The following GPC6 variants were observed in gnomAD, a reference collection of about 807,000 sequenced individuals.
GPC6 encodes the protein glypican-6.
A neutral mutation model predicts 55.2 loss-of-function variants in GPC6; 14 were observed. That is an observed-to-expected ratio of 0.25 (90% CI 0.17 to 0.40). The LOEUF (loss-of-function observed/expected upper bound fraction) is 0.40, where lower values mean the gene tolerates loss of function less well. Ranked by LOEUF, GPC6 falls within the 10% of genes least tolerant of loss-of-function variation. The pLI, the probability that GPC6 is intolerant of heterozygous loss-of-function variation, is 1.00. For missense variants in GPC6, 641 were observed against 708.5 expected (o/e 0.90, Z 1.08); for synonymous variants, 278 against 259.6 (o/e 1.07, Z -0.68).
At chr13:94,274,028 G>A (rs1445535737) in intron 4 of GPC6, among the ~76,000 whole-genome samples, 2 of 152,188 alleles carry the variant, frequency 1.3e-5, no homozygotes, top group Non-Finnish European at 2.9e-5. Flanking sequence ...CCTGGCTTAT[G>A]ATGTAACTAA....
chr13:94,266,758 T>C (rs1414852799), intron 4 of GPC6, among the ~76,000 whole-genome samples: 1 of 152,234 alleles, frequency 6.6e-6, no homozygotes, highest in Non-Finnish European at 1.5e-5. Flanking sequence ...TCCTGAAGTC[T>C]GGTATCAAGT....
intron 3 of GPC6, among the ~76,000 whole-genome samples, chr13:94,009,288 T>C (rs1882146061): frequency 6.6e-6 from 1 of 152,214 alleles, no homozygotes; most frequent in Admixed American, 6.5e-5. Flanking sequence ...AATGTTGTTA[T>C]AGGAAAGTCA....
chr13:94,186,578 C>G (rs1171786752), intron 4 of GPC6, among the ~76,000 whole-genome samples: 1 of 152,116 alleles, frequency 6.6e-6, no homozygotes, highest in Non-Finnish European at 1.5e-5. Context: ...CAACCCTTGG[C>G]TACGATGTTG....
chr13:93,366,174 TC>T (rs1460530379), intron 1 of GPC6, among the ~76,000 whole-genome samples: 1 of 152,072 alleles, frequency 6.6e-6, no homozygotes, highest in East Asian at 1.9e-4. Context: ...TTTAAATCAT[TC>T]TTTAGTAGGG....
rs569095777 is a variant in GPC6, at chr13:93,548,902, G to A, written c.319+3481G>A. Among the ~76,000 whole-genome samples, 16 of 152,278 alleles carry A rather than the reference G, an allele frequency of 1.1e-4. No homozygotes were observed. In the South Asian group the frequency reaches 2.5e-3, roughly 24 times the overall value. ...TTAAAATGTCATGATAAAAGTCTAT[G>A]TAATAGAGGTTTCTTGACATTGCTT... On this transcript the variant is annotated intron_variant, in intron 2 of 8. Transcript: ENST00000377047.
Position 94,392,461 on chromosome 13 carries a change from T to C in GPC6, c.1290-6005T>C, listed in dbSNP as rs1880693379. Among the ~76,000 whole-genome samples, 5 of 139,874 alleles carry C rather than the reference T, an allele frequency of 3.6e-5. No homozygotes were observed. The South Asian group carries it at 9.2e-4, about 26-fold the overall frequency. 91.8% of individuals were successfully genotyped at this position (139,874 alleles called of 152,430 possible). A position where few individuals can be genotyped will look rare whatever the true frequency, so the allele number is the denominator to read the frequency against. ...TTTTTTTTTGGAGATGGAGTTTAGC[T>C]CTTGTGGCCCAGGCTGGAGTGCAAT... On this transcript the variant is annotated intron_variant, in intron 7 of 8. Coordinates refer to ENST00000377047, the MANE Select transcript of GPC6 (RefSeq NM_005708.5).
intron 1 of GPC6, among the ~76,000 whole-genome samples, chr13:93,260,307 T>C (rs1405365441): frequency 6.6e-6 from 1 of 152,104 alleles, no homozygotes; most frequent in East Asian, 1.9e-4. Flanking sequence ...AATTTGGCCA[T>C]CACGTAAAAA....
chr13:94,177,019 A>C (rs1211120266), intron 4 of GPC6, among the ~76,000 whole-genome samples: 1 of 152,246 alleles, frequency 6.6e-6, no homozygotes, highest in Non-Finnish European at 1.5e-5. Context: ...AAAAATGAGA[A>C]TAAACTTGCA....
At chr13:93,602,888 C>T (rs949610915) in intron 2 of GPC6, among the ~76,000 whole-genome samples, 1 of 152,112 alleles carries the variant, frequency 6.6e-6, no homozygotes, top group Admixed American at 6.6e-5. Context: ...TAGAAATATA[C>T]CTAACACCAG....
chr13:93,913,937 C>T (rs1877147917), intron 3 of GPC6, among the ~76,000 whole-genome samples: 2 of 142,648 alleles, frequency 1.4e-5, no homozygotes, highest in South Asian at 4.6e-4. Flanking sequence ...AAGCTCCCCA[C>T]ACCTTCCATT....
At chr13:94,004,707 A>T (rs954770714) in intron 3 of GPC6, among the ~76,000 whole-genome samples, 1 of 152,166 alleles carries the variant, frequency 6.6e-6, no homozygotes, top group African/African-American at 2.4e-5. Context: ...AATGCCAGGA[A>T]GGTTAAAATC....
intron 1 of GPC6, among the ~76,000 whole-genome samples, chr13:93,380,457 G>T (rs1050626276): frequency 6.6e-6 from 1 of 152,168 alleles, no homozygotes; most frequent in African/African-American, 2.4e-5. Flanking sequence ...AGGGTGATGC[G>T]TAAAGAGAAG....
chr13:93,630,436 G>A (rs906352717), intron 2 of GPC6, among the ~76,000 whole-genome samples: 1 of 152,138 alleles, frequency 6.6e-6, no homozygotes, highest in African/African-American at 2.4e-5. Flanking sequence ...TTTCATGGAG[G>A]ACATTGCCAA....
intron 1 of GPC6, among the ~76,000 whole-genome samples, chr13:93,320,942 A>G (rs1879417014): frequency 1.5e-5 from 2 of 129,726 alleles, no homozygotes; most frequent in Middle Eastern, 3.8e-3. Context: ...TTAAATTGCA[A>G]TGGTTTTTGT....
chr13:93,914,735 G>T (rs1877200404), intron 3 of GPC6, among the ~76,000 whole-genome samples: 1 of 152,086 alleles, frequency 6.6e-6, no homozygotes, highest in African/African-American at 2.4e-5. Context: ...GGAAATAAAT[G>T]GGATGTAAAT....
chr13:94,358,154 G>A (rs1878887389), intron 6 of GPC6, among the ~76,000 whole-genome samples: 1 of 151,966 alleles, frequency 6.6e-6, no homozygotes, highest in Non-Finnish European at 1.5e-5. Flanking sequence ...GCCTGGTGTG[G>A]TGGCATGCAC....
chr13:93,985,193 G>A (rs1436966296), intron 3 of GPC6, among the ~76,000 whole-genome samples: 1 of 152,178 alleles, frequency 6.6e-6, no homozygotes, highest in Admixed American at 6.5e-5. Flanking sequence ...CCAGCACTTT[G>A]GGAGGCCGAG....
chr13:93,490,866 T>C (rs1383281779), intron 1 of GPC6, among the ~76,000 whole-genome samples: 4 of 79,480 alleles, frequency 5.0e-5, no homozygotes, highest in Non-Finnish European at 9.7e-5. Context: ...TTTTTATGGC[T>C]GCATAGTATT....
At chr13:93,526,342 G>A (rs560105562) in intron 1 of GPC6, among the ~76,000 whole-genome samples, 30 of 152,118 alleles carry the variant, frequency 2.0e-4, no homozygotes, top group Admixed American at 5.2e-4. Flanking sequence ...TTTCTTTGAG[G>A]AGAAATTATT....
Sources: allele counts gnomAD v4.1 joint callset (sites outside exome capture counted in the v4.1 genomes callset), GRCh38; gene constraint gnomAD v4.1.1; transcripts MANE v1.5; gene names NCBI Gene and HGNC (gene_info 2026-07-23, HGNC 2026-07-21).